Variants in ZBBX observed in about 807,000 individuals in gnomAD.
ZBBX encodes zinc finger B-box domain-containing protein 1.
In ZBBX, 101 loss-of-function variants were observed where a neutral mutation model predicts 108.5. The observed-to-expected ratio is 0.93, with a 90% CI of 0.79 to 1.10. The LOEUF is 1.10. Among genes scored for constraint, ZBBX ranks in the 50% least tolerant of loss-of-function variants. The pLI is 0.00. For synonymous variants in ZBBX, 356 were observed against 323.4 expected (o/e 1.10, Z -1.08); for missense variants, 1,009 against 941.4 (o/e 1.07, Z -0.94).
chr3:167,245,166 C>A (rs1297711138), intron 20 of ZBBX, among the ~76,000 whole-genome samples: 1 of 152,138 alleles, frequency 6.6e-6, no homozygotes, highest in Non-Finnish European at 1.5e-5. Context: ...GTAATCCCAG[C>A]ACTTTGGGAG....
At chr3:167,235,050 A>T (rs1049393467), downstream of ZBBX, among the ~76,000 whole-genome samples, 1 of 151,738 alleles carries the variant, frequency 6.6e-6, no homozygotes, top group African/African-American at 2.4e-5. Context: ...GTAGTCCATG[A>T]CTGTCTACTA....
At chr3:167,219,471 G>A in the ZBBX span, among the ~76,000 whole-genome samples, 2 of 151,896 alleles carry the variant, frequency 1.3e-5, no homozygotes, top group Admixed American at 6.6e-5. Context: ...TCAATAACAA[G>A]AGGAATTTTG....
intron 8 of ZBBX, among the ~76,000 whole-genome samples, chr3:167,352,841 T>C (rs1742910346): frequency 1.3e-5 from 2 of 152,062 alleles, no homozygotes; most frequent in East Asian, 1.9e-4. Flanking sequence ...CCAATAAATG[T>C]GATTTACCAC....
At chr3:167,250,587 C>T (rs1255473719) in intron 20 of ZBBX, among the ~76,000 whole-genome samples, 2 of 151,596 alleles carry the variant, frequency 1.3e-5, no homozygotes, top group Admixed American at 6.6e-5. Context: ...AATGGTCAAC[C>T]GGAGCCTCGA....
At position 167,271,183 on chromosome 3, in the gene ZBBX, A is replaced by G. The variant is rs567590519; in HGVS notation, c.2254+11055T>C. Among the ~76,000 whole-genome samples the G allele has an allele frequency of 2.3e-3, 318 of 139,798 alleles. 1 individual carries two copies. Among genetic ancestry groups the G allele is most frequent in the African/African-American group, 7.4e-3 (301 of 40,908 alleles). The allele number at this position is 139,798 out of a possible 152,430, so 91.7% of individuals were successfully genotyped here. A position where few individuals can be genotyped will look rare whatever the true frequency, so the allele number is the denominator to read the frequency against. On this transcript the variant is annotated intron_variant, in intron 20 of 21. Coordinates refer to ENST00000675490, the MANE Select transcript of ZBBX (RefSeq NM_001199201.2). ...AATATGCCTTTGGGGTGGCCCATACATTTGGAAAAATTTGGACTAAACAAG... is the reference window on the plus strand; with the variant it reads ...AATATGCCTTTGGGGTGGCCCATACGTTTGGAAAAATTTGGACTAAACAAG...
the ZBBX span, among the ~76,000 whole-genome samples, chr3:167,205,897 A>T: frequency 6.6e-6 from 1 of 152,134 alleles, no homozygotes; most frequent in Non-Finnish European, 1.5e-5. Flanking sequence ...AGAAAAAAAT[A>T]TATAGTAATT....
intron 17 of ZBBX, among the ~76,000 whole-genome samples, chr3:167,298,668 T>C (rs562939409): frequency 6.6e-6 from 1 of 152,198 alleles, no homozygotes; most frequent in African/African-American, 2.4e-5. Flanking sequence ...TGAAAGTTGA[T>C]ACTAATCCAA....
At chr3:167,336,603 A>G (rs186275861) in intron 9 of ZBBX, among the ~76,000 whole-genome samples, 16 of 152,308 alleles carry the variant, frequency 1.1e-4, no homozygotes, top group South Asian at 2.1e-4. Context: ...CTTGAAATAG[A>G]GTCAAATTAT....
At chr3:167,266,666 C>T (rs1483057342) in intron 20 of ZBBX, among the ~76,000 whole-genome samples, 1 of 152,208 alleles carries the variant, frequency 6.6e-6, no homozygotes, top group Non-Finnish European at 1.5e-5. Flanking sequence ...ATAAAAAACT[C>T]CCGGTCCCCT....
At chr3:167,294,203 T>A (rs934263094) in intron 18 of ZBBX, among the ~76,000 whole-genome samples, 1 of 152,118 alleles carries the variant, frequency 6.6e-6, no homozygotes, top group African/African-American at 2.4e-5. Context: ...TACTTTAAAT[T>A]TCATATGGAA....
chr3:167,388,412 G>A (rs1410054554), intron 1 of ZBBX, among the ~76,000 whole-genome samples: 1 of 151,794 alleles, frequency 6.6e-6, no homozygotes, highest in Non-Finnish European at 1.5e-5. Flanking sequence ...AGTGACAACT[G>A]ATTTATATTT....
At chr3:167,338,960 T>C (rs764523458) in intron 9 of ZBBX, among the ~76,000 whole-genome samples, 1 of 152,126 alleles carries the variant, frequency 6.6e-6, no homozygotes, top group Non-Finnish European at 1.5e-5. Context: ...GTTATATATA[T>C]TCTATAAATC....
At chr3:167,270,512 T>C (rs1353530956) in intron 20 of ZBBX, among the ~76,000 whole-genome samples, 5 of 152,152 alleles carry the variant, frequency 3.3e-5, no homozygotes, top group African/African-American at 1.2e-4. Context: ...CCTTTCACCT[T>C]TTTGTCAGTG....
At chr3:167,318,166 G>C (rs568195267) in intron 12 of ZBBX, among the ~76,000 whole-genome samples, 1 of 152,108 alleles carries the variant, frequency 6.6e-6, no homozygotes, top group African/African-American at 2.4e-5. Context: ...GAGGTCAAGA[G>C]TGTATATTTG....
intron 1 of ZBBX, among the ~76,000 whole-genome samples, chr3:167,403,989 A>G (rs1748504545): frequency 6.6e-6 from 1 of 152,156 alleles, no homozygotes; most frequent in African/African-American, 2.4e-5. Context: ...AAATGACTAC[A>G]CATTCTGAAG....
intron 10 of ZBBX, among the ~76,000 whole-genome samples, chr3:167,330,614 G>C (rs890024070): frequency 6.6e-6 from 1 of 151,782 alleles, no homozygotes. Flanking sequence ...GGAGATAGTT[G>C]GACGTGGTGG....
the ZBBX span, among the ~76,000 whole-genome samples, chr3:167,231,783 T>G: frequency 6.6e-6 from 1 of 151,800 alleles, no homozygotes; most frequent in Non-Finnish European, 1.5e-5. Context: ...GTGGGTATTT[T>G]AAAAGGTATT....
chr3:167,304,098 A>C (rs1459223539), intron 17 of ZBBX, among the ~76,000 whole-genome samples: 1 of 152,104 alleles, frequency 6.6e-6, no homozygotes, highest in Non-Finnish European at 1.5e-5. Flanking sequence ...ATACTGTCTT[A>C]TTCTTAAGTT....
At chr3:167,182,877 T>A in the ZBBX span, among the ~76,000 whole-genome samples, 2 of 152,344 alleles carry the variant, frequency 1.3e-5, no homozygotes, top group African/African-American at 4.8e-5. Flanking sequence ...CAAATGTAGC[T>A]ATATTATTTC....
Sources: gnomAD v4.1 joint callset for allele counts (sites outside exome capture counted in the v4.1 genomes callset) on GRCh38, gnomAD v4.1.1 for gene constraint, MANE v1.5 for transcripts, NCBI Gene and HGNC (gene_info 2026-07-23, HGNC 2026-07-21) for gene names.